Variants in C8orf34 observed in about 807,000 individuals in gnomAD.
C8orf34 encodes the protein chromosome 8 open reading frame 34, also known as uncharacterized protein C8orf34.
C8orf34 carries 65 observed loss-of-function variants against 68.3 expected under a neutral mutation model. That is an observed-to-expected ratio of 0.95 (90% CI 0.78 to 1.17). The LOEUF (loss-of-function observed/expected upper bound fraction) is 1.17. Ranked by LOEUF, C8orf34 falls within the 50% of genes most tolerant of loss-of-function variation. C8orf34 has a pLI of 0.00. For synonymous variants in C8orf34, 244 were observed against 241.2 expected, an observed-to-expected ratio of 1.01 and a Z score of -0.11; for missense variants, 664 against 655.4, an observed-to-expected ratio of 1.01 and a Z score of -0.14.
chr8:68,725,442 G>A (rs1231631316), intron 10 of C8orf34, among the ~76,000 whole-genome samples: 2 of 152,122 alleles, frequency 1.3e-5, no homozygotes, highest in African/African-American at 4.8e-5. Flanking sequence ...AATGCCCAGG[G>A]TTTACTAAAA....
chr8:68,598,884 A>G (rs1284477820), intron 7 of C8orf34, among the ~76,000 whole-genome samples: 3 of 152,154 alleles, frequency 2.0e-5, no homozygotes, highest in Non-Finnish European at 2.9e-5. Flanking sequence ...ATGAGAGGAC[A>G]AGATGTGCTC....
intron 2 of C8orf34, among the ~76,000 whole-genome samples, chr8:68,440,793 A>T (rs147068591): frequency 7.2e-6 from 1 of 137,964 alleles, no homozygotes; most frequent in Non-Finnish European, 1.5e-5. Flanking sequence ...AGAGAAAGGA[A>T]CATATTAAAC....
intron 1 of C8orf34, among the ~76,000 whole-genome samples, chr8:68,374,136 C>T (rs943084746): frequency 1.3e-5 from 2 of 152,084 alleles, no homozygotes; most frequent in South Asian, 2.1e-4. Flanking sequence ...GATGGTCTTG[C>T]GCTACTGGCC....
intron 3 of C8orf34, 55 bp downstream of exon 3, chr8:68,446,515 A>G (rs568131250): frequency 6.5e-7 from 1 of 1,541,590 alleles, no homozygotes; most frequent in South Asian, 1.2e-5. Flanking sequence ...TATGTTGTTA[A>G]GAAAATGAAG....
intron 1 of C8orf34, among the ~76,000 whole-genome samples, chr8:68,381,148 A>G (rs1439020052): frequency 1.3e-5 from 2 of 152,202 alleles, no homozygotes; most frequent in Non-Finnish European, 2.9e-5. Flanking sequence ...AAGAAGTACA[A>G]GAAGCTTGAC....
chr8:68,459,434 T>C (rs888121523), intron 3 of C8orf34, among the ~76,000 whole-genome samples: 4 of 152,120 alleles, frequency 2.6e-5, no homozygotes, highest in African/African-American at 7.2e-5. Context: ...GGTTTCTCCA[T>C]GTTGGCCAGG....
At chr8:68,386,710 C>G (rs1224357290) in intron 1 of C8orf34, among the ~76,000 whole-genome samples, 3 of 152,104 alleles carry the variant, frequency 2.0e-5, no homozygotes, top group African/African-American at 7.2e-5. Context: ...AGGACTTCTG[C>G]AGACCTTTAG....
intron 1 of C8orf34, among the ~76,000 whole-genome samples, chr8:68,352,584 A>G (rs763924052): frequency 3.3e-5 from 5 of 152,076 alleles, no homozygotes; most frequent in Non-Finnish European, 7.4e-5. Context: ...GCTTTCATGA[A>G]TGCACTCCTT....
chr8:68,576,476 G>T (rs547778639), intron 7 of C8orf34, among the ~76,000 whole-genome samples: 6 of 151,482 alleles, frequency 4.0e-5, no homozygotes, highest in Non-Finnish European at 8.8e-5. Flanking sequence ...AGAAGGAAGC[G>T]CCAGTTCTTA....
At chr8:68,449,364 G>A (rs1811249474) in intron 3 of C8orf34, among the ~76,000 whole-genome samples, 1 of 151,934 alleles carries the variant, frequency 6.6e-6, no homozygotes. Context: ...ATGCTACCTA[G>A]CCCCTATCTA....
chr8:68,718,185 A>C (rs1006269335), intron 9 of C8orf34, among the ~76,000 whole-genome samples: 1 of 151,962 alleles, frequency 6.6e-6, no homozygotes, highest in Non-Finnish European at 1.5e-5. Flanking sequence ...TGTTTCTCCT[A>C]CTTCCATTGG....
intron 7 of C8orf34, among the ~76,000 whole-genome samples, chr8:68,538,382 G>A (rs1399460849): frequency 6.6e-6 from 1 of 151,632 alleles, no homozygotes; most frequent in Non-Finnish European, 1.5e-5. Flanking sequence ...GTAATTAATT[G>A]TAAAGTGCTG....
intron 11 of C8orf34, among the ~76,000 whole-genome samples, chr8:68,782,822 C>T (rs2129528830): frequency 6.6e-6 from 1 of 151,904 alleles, no homozygotes; most frequent in South Asian, 2.1e-4. Flanking sequence ...CTTTAGGAGG[C>T]AGAGGCAGAG....
At chr8:68,476,399 A>G (rs548574124) in intron 4 of C8orf34, among the ~76,000 whole-genome samples, 1 of 152,328 alleles carries the variant, frequency 6.6e-6, no homozygotes, top group South Asian at 2.1e-4. Context: ...GAGGAGAGTC[A>G]AGATGTGTCG....
intron 3 of C8orf34, among the ~76,000 whole-genome samples, chr8:68,464,647 A>T (rs1287590100): frequency 6.6e-6 from 1 of 152,060 alleles, no homozygotes; most frequent in African/African-American, 2.4e-5. Flanking sequence ...ATAACACTGC[A>T]TATCTACAAC....
At chr8:68,549,893 C>T (rs1816007861) in intron 7 of C8orf34, among the ~76,000 whole-genome samples, 1 of 151,698 alleles carries the variant, frequency 6.6e-6, no homozygotes, top group South Asian at 2.1e-4. Context: ...GAAGTTTGCT[C>T]TGTCTGAAAA....
At chr8:68,789,905 A>G (rs1023801265) in intron 12 of C8orf34, among the ~76,000 whole-genome samples, 4 of 152,220 alleles carry the variant, frequency 2.6e-5, no homozygotes, top group African/African-American at 9.6e-5. Context: ...AAGAAAGTCC[A>G]TTCCTGAACT....
chr8:68,718,510 T>C (rs1345690090), intron 9 of C8orf34, among the ~76,000 whole-genome samples: 2 of 152,218 alleles, frequency 1.3e-5, no homozygotes, highest in Non-Finnish European at 2.9e-5. Context: ...AATCTGCAAA[T>C]TCCAGAATAT....
chr8:68,495,377 C>CATAGTT (rs1438796733), intron 5 of C8orf34, among the ~76,000 whole-genome samples: 2 of 151,988 alleles, frequency 1.3e-5, no homozygotes, highest in African/African-American at 4.8e-5. Flanking sequence ...TCTTAATAAA[C>CATAGTT]ATAGTTAACA....
Sources: gnomAD v4.1 joint callset for allele counts (sites outside exome capture counted in the v4.1 genomes callset) on GRCh38, gnomAD v4.1.1 for gene constraint, MANE v1.5 for transcripts, NCBI Gene and HGNC (gene_info 2026-07-23, HGNC 2026-07-21) for gene names.